NUDCD3: variants seen among roughly 807,000 people sequenced by gnomAD.
The protein encoded by NUDCD3 is nudC domain-containing protein 3.
In NUDCD3, 13 loss-of-function variants were observed where a neutral mutation model predicts 39.7. The observed-to-expected ratio is 0.33, with a 90% CI of 0.21 to 0.52. The LOEUF (loss-of-function observed/expected upper bound fraction) is 0.52, where lower values mean the gene tolerates loss of function less well. Among genes scored for constraint, NUDCD3 ranks in the 20% least tolerant of loss-of-function variants. NUDCD3 has a pLI of 0.96. For synonymous variants in NUDCD3, 175 were observed against 172.4 expected, an observed-to-expected ratio of 1.02 and a Z score of -0.12; for missense variants, 453 against 458.1, an observed-to-expected ratio of 0.99 and a Z score of 0.10.
In NUDCD3 at chr7:44,384,717, G is replaced by C. The variant is rs1210272216; in HGVS notation, c.*1294C>G. The C allele has an allele frequency of 6.6e-6, 1 of 152,284 alleles. No individual in the cohort carries two copies. Among genetic ancestry groups the C allele is most frequent in the Admixed American group, 6.5e-5 (1 of 15,290 alleles). 9.4% of individuals were successfully genotyped at this position (152,284 alleles called of 1,614,324 possible). A position where few individuals can be genotyped will look rare whatever the true frequency, so the allele number is the denominator to read the frequency against. On this transcript the variant is annotated 3_prime_UTR_variant, in exon 6 of 6. Transcript: ENST00000355451. ...GCATGGTGCCAGGGTGCACTGCCCT[G>C]CTGTGTGGCTTATCCATGCTCTGAG... is the stretch of plus-strand genomic sequence containing the variant.
intron 2 of NUDCD3, chr7:44,468,268 C>G (rs766065918): frequency 1.3e-6 from 2 of 1,591,762 alleles, no homozygotes; most frequent in African/African-American, 2.7e-5. Flanking sequence ...GAGTCACCAA[C>G]CCCAATGCCA....
At chr7:44,470,604 G>A (rs565720836) in intron 2 of NUDCD3, among the ~76,000 whole-genome samples, 6 of 152,114 alleles carry the variant, frequency 3.9e-5, no homozygotes, top group Non-Finnish European at 5.9e-5. Flanking sequence ...TGCGTGGACC[G>A]GGCTCTGCAT....
intron 2 of NUDCD3, among the ~76,000 whole-genome samples, chr7:44,479,186 GA>G (rs1314461881): frequency 3.9e-5 from 6 of 152,256 alleles, no homozygotes; most frequent in African/African-American, 1.4e-4. Context: ...AGGATTATGG[GA>G]ACTGCAATTC....
chr7:44,437,551 A>G (rs1447902985), intron 2 of NUDCD3, among the ~76,000 whole-genome samples: 1 of 152,086 alleles, frequency 6.6e-6, no homozygotes, highest in Admixed American at 6.6e-5. Context: ...CCCAGGGACT[A>G]CCCTGTCACT....
intron 4 of NUDCD3, among the ~76,000 whole-genome samples, chr7:44,403,120 G>A (rs987102009): frequency 1.3e-5 from 2 of 152,244 alleles, no homozygotes; most frequent in African/African-American, 4.8e-5. Flanking sequence ...TTGCAGGCAG[G>A]AGAAGAGCAC....
At chr7:44,386,659 G>A (rs975579664) in intron 5 of NUDCD3, among the ~76,000 whole-genome samples, 15 of 152,160 alleles carry the variant, frequency 9.9e-5, no homozygotes, top group Admixed American at 1.3e-4. Context: ...GATGTGGCAC[G>A]GAGGAAGAAA....
At chr7:44,472,669 A>T (rs190210217) in intron 2 of NUDCD3, among the ~76,000 whole-genome samples, 19 of 152,390 alleles carry the variant, frequency 1.2e-4, no homozygotes, top group Non-Finnish European at 2.9e-5. Flanking sequence ...CAAAATGAAC[A>T]AATGGTTTAG....
rs1468171993 is a variant in NUDCD3, at chr7:44,383,350, G to C, written c.*2661C>G. 1 of 152,198 alleles carries C rather than the reference G, an allele frequency of 6.6e-6. No individual in the cohort carries two copies. The highest frequency in any genetic ancestry group is 2.1e-4 in the South Asian group (1 of 4,840). 9.4% of individuals were successfully genotyped at this position (152,198 alleles called of 1,614,324 possible). On this transcript the variant is annotated 3_prime_UTR_variant, in exon 6 of 6. Coordinates refer to ENST00000355451, the MANE Select transcript of NUDCD3 (RefSeq NM_015332.4). ...CAGAATTCCAGAACCTGTTTGAAAG[G>C]ATGTAAGATCTATAGCTACATTCTT...
intron 3 of NUDCD3, among the ~76,000 whole-genome samples, chr7:44,424,905 A>G (rs913832404): frequency 6.6e-6 from 1 of 152,226 alleles, no homozygotes; most frequent in African/African-American, 2.4e-5. Context: ...ATGCCCATCA[A>G]TGATAGACTG....
At chr7:44,464,673 C>T (rs1234612555) in intron 2 of NUDCD3, among the ~76,000 whole-genome samples, 6 of 152,280 alleles carry the variant, frequency 3.9e-5, no homozygotes, top group East Asian at 1.9e-4. Flanking sequence ...AGGCTGGTCT[C>T]GAGCTCTTGG....
At chr7:44,419,634 G>A (rs1799099299) in intron 3 of NUDCD3, among the ~76,000 whole-genome samples, 1 of 152,182 alleles carries the variant, frequency 6.6e-6, no homozygotes, top group Admixed American at 6.5e-5. Flanking sequence ...CCTCTGGGAC[G>A]AAGCTTCCAG....
intron 2 of NUDCD3, among the ~76,000 whole-genome samples, chr7:44,472,738 G>A (rs920324071): frequency 2.6e-5 from 4 of 152,196 alleles, no homozygotes; most frequent in Non-Finnish European, 1.5e-5. Flanking sequence ...TTAAATCCAA[G>A]ATATTTCAAA....
chr7:44,487,193 T>G (rs1255628549), intron 1 of NUDCD3, among the ~76,000 whole-genome samples: 1 of 152,228 alleles, frequency 6.6e-6, no homozygotes, highest in Non-Finnish European at 1.5e-5. Flanking sequence ...AATTTTCACA[T>G]ACATCATTCC....
chr7:44,412,068 G>A (rs1798937576), intron 3 of NUDCD3, among the ~76,000 whole-genome samples: 1 of 152,192 alleles, frequency 6.6e-6, no homozygotes, highest in African/African-American at 2.4e-5. Context: ...CAGGCCAGAG[G>A]TCATCACCCT....
At chr7:44,473,188 A>G (rs1359777307) in intron 2 of NUDCD3, among the ~76,000 whole-genome samples, 1 of 152,242 alleles carries the variant, frequency 6.6e-6, no homozygotes, top group African/African-American at 2.4e-5. Context: ...AAATCCAGAC[A>G]TGACACAGAA....
chr7:44,419,174 G>A (rs897972524), intron 3 of NUDCD3, among the ~76,000 whole-genome samples: 1 of 152,158 alleles, frequency 6.6e-6, no homozygotes, highest in Admixed American at 6.5e-5. Flanking sequence ...CATTACTGAG[G>A]CTTGAGTAGG....
At chr7:44,458,903 A>G (rs112034421) in intron 2 of NUDCD3, among the ~76,000 whole-genome samples, 7,081 of 149,948 alleles carry the variant, frequency 0.047, 561 homozygotes, top group African/African-American at 0.17. Flanking sequence ...ATCTCAGTAT[A>G]CTGACACTGG....
intron 3 of NUDCD3, among the ~76,000 whole-genome samples, chr7:44,406,292 G>A (rs1798819358): frequency 6.6e-6 from 1 of 152,306 alleles, no homozygotes; most frequent in Admixed American, 6.5e-5. Flanking sequence ...CTTTCATAGG[G>A]GAATTTACCA....
intron 2 of NUDCD3, among the ~76,000 whole-genome samples, chr7:44,465,066 C>A (rs2116955104): frequency 6.6e-6 from 1 of 152,308 alleles, no homozygotes. Context: ...AGCACCAGTT[C>A]AAACACCTAT....
Sources: allele counts gnomAD v4.1 joint callset (sites outside exome capture counted in the v4.1 genomes callset), GRCh38; gene constraint gnomAD v4.1.1; transcripts MANE v1.5; gene names NCBI Gene and HGNC (gene_info 2026-07-23, HGNC 2026-07-21).